The following OXR1 variants were observed in gnomAD, a reference collection of about 807,000 sequenced individuals.
The protein encoded by OXR1 is oxidation resistance protein 1.
OXR1 carries 41 observed loss-of-function variants against 104.6 expected under a neutral mutation model. The observed-to-expected ratio is 0.39, with a 90% confidence interval of 0.31 to 0.51. The LOEUF is 0.51. OXR1 is among the 20% of genes least tolerant of loss of function. OXR1 has a pLI of 0.77. For missense variants in OXR1, 955 were observed against 1,031.9 expected (o/e 0.93, Z 1.02); for synonymous variants, 348 against 348.4 (o/e 1.00, Z 0.01).
chr8:106,321,502 G>A (rs1814216015), intron 1 of OXR1, among the ~76,000 whole-genome samples: 1 of 152,108 alleles, frequency 6.6e-6, no homozygotes, highest in South Asian at 2.1e-4. Context: ...GGTGGAGGAG[G>A]ACACAGATGG....
chr8:106,653,774 A>C (rs2131031531), intron 3 of OXR1, among the ~76,000 whole-genome samples: 1 of 152,152 alleles, frequency 6.6e-6, no homozygotes, highest in Non-Finnish European at 1.5e-5. Flanking sequence ...AGGCACCTGA[A>C]TTGGAAGGGA....
At chr8:106,732,010 A>G (rs987757491) in intron 11 of OXR1, among the ~76,000 whole-genome samples, 1 of 152,176 alleles carries the variant, frequency 6.6e-6, no homozygotes, top group African/African-American at 2.4e-5. Context: ...GCTTGACAAT[A>G]TTGAGTCTTC....
At chr8:106,342,252 CTTTT>C (rs559836356) in intron 1 of OXR1, among the ~76,000 whole-genome samples, 1 of 141,038 alleles carries the variant, frequency 7.1e-6, no homozygotes. Flanking sequence ...TTTCTTTTTT[CTTTT>C]TTTTTTTTTC....
intron 1 of OXR1, among the ~76,000 whole-genome samples, chr8:106,307,562 C>T (rs1388544023): frequency 2.7e-5 from 4 of 147,420 alleles, no homozygotes; most frequent in Middle Eastern, 7.0e-3. Context: ...TTTTTTTGTC[C>T]TTTTTTTTTT....
chr8:106,745,700 C>T, intron 15 of OXR1, 89 bp from the exon 16 acceptor site: 1 of 605,858 alleles, frequency 1.7e-6, no homozygotes, highest in Non-Finnish European at 2.9e-6. Flanking sequence ...CCAGTCTTGG[C>T]TTTGTTAACT....
At chr8:106,482,777 A>G (rs1483606210) in intron 2 of OXR1, among the ~76,000 whole-genome samples, 1 of 152,066 alleles carries the variant, frequency 6.6e-6, no homozygotes, top group Non-Finnish European at 1.5e-5. Context: ...CAAATTAAGT[A>G]TGGACCATCT....
intron 2 of OXR1, among the ~76,000 whole-genome samples, chr8:106,450,965 T>A (rs1245334719): frequency 6.6e-6 from 1 of 152,158 alleles, no homozygotes; most frequent in African/African-American, 2.4e-5. Flanking sequence ...ACTGTGATAT[T>A]CAGTGAAGTT....
chr8:106,538,144 G>A (rs531838550), intron 3 of OXR1, among the ~76,000 whole-genome samples: 1 of 152,278 alleles, frequency 6.6e-6, no homozygotes, highest in South Asian at 2.1e-4. Flanking sequence ...TAGTGGCCAT[G>A]TAGGTATTCT....
At chr8:106,692,898 GAAGACCTTTA>G in intron 7 of OXR1, 21 bp downstream of exon 7, 1 of 1,548,586 alleles carries the variant, frequency 6.5e-7, no homozygotes, top group South Asian at 1.2e-5. Flanking sequence ...ACACTTTAGA[GAAGACCTTTA>G]ATCATGCTTT....
At chr8:106,727,364 G>A (rs1451415436) in intron 11 of OXR1, among the ~76,000 whole-genome samples, 1 of 152,050 alleles carries the variant, frequency 6.6e-6, no homozygotes, top group Non-Finnish European at 1.5e-5. Context: ...TAATTAATGT[G>A]CATCAAACAC....
intron 2 of OXR1, among the ~76,000 whole-genome samples, chr8:106,497,670 A>G (rs896179635): frequency 6.6e-6 from 1 of 152,234 alleles, no homozygotes; most frequent in Admixed American, 6.5e-5. Flanking sequence ...TCTGAAGTGC[A>G]CATTTGTATT....
chr8:106,528,660 A>G, intron 3 of OXR1, among the ~76,000 whole-genome samples: 1 of 152,226 alleles, frequency 6.6e-6, no homozygotes, highest in East Asian at 1.9e-4. Context: ...TACGCCTCTC[A>G]TTTAATAAAA....
chr8:106,719,297 A>G (rs1029004321), intron 11 of OXR1, among the ~76,000 whole-genome samples: 13 of 152,216 alleles, frequency 8.5e-5, no homozygotes, highest in African/African-American at 2.7e-4. Flanking sequence ...CAGAATGCCT[A>G]TTGACATCTG....
At chr8:106,484,657 C>T (rs760376996) in intron 2 of OXR1, among the ~76,000 whole-genome samples, 4 of 151,904 alleles carry the variant, frequency 2.6e-5, no homozygotes, top group Admixed American at 6.6e-5. Context: ...AAGTCCAGAA[C>T]ACTGACACTA....
chr8:106,456,544 C>T (rs1820603964), intron 2 of OXR1, among the ~76,000 whole-genome samples: 1 of 152,072 alleles, frequency 6.6e-6, no homozygotes, highest in Admixed American at 6.6e-5. Flanking sequence ...TATTTAATGC[C>T]ATCAATGTAA....
intron 2 of OXR1, among the ~76,000 whole-genome samples, chr8:106,396,258 T>C (rs1345838173): frequency 6.6e-6 from 1 of 151,978 alleles, no homozygotes; most frequent in Admixed American, 6.6e-5. Context: ...CAAAGAATAG[T>C]GTTTGGAAAG....
intron 3 of OXR1, among the ~76,000 whole-genome samples, chr8:106,565,280 C>G (rs934398647): frequency 6.6e-6 from 1 of 151,996 alleles, no homozygotes; most frequent in Non-Finnish European, 1.5e-5. Context: ...TCAGTGAGGT[C>G]TCGGGATATA....
At chr8:106,676,351 T>TGTTA (rs1827592175) in intron 3 of OXR1, among the ~76,000 whole-genome samples, 1 of 152,162 alleles carries the variant, frequency 6.6e-6, no homozygotes, top group African/African-American at 2.4e-5. Context: ...CCTGTCATGA[T>TGTTA]GTTAGCTGGT....
At chr8:106,570,334 A>G (rs1817385900) in intron 3 of OXR1, among the ~76,000 whole-genome samples, 2 of 152,160 alleles carry the variant, frequency 1.3e-5, no homozygotes, top group Admixed American at 1.3e-4. Context: ...TACTTGCCGT[A>G]TTGCATAGAG....
Sources: gnomAD v4.1 joint callset for allele counts (sites outside exome capture counted in the v4.1 genomes callset) on GRCh38, gnomAD v4.1.1 for gene constraint, MANE v1.5 for transcripts, NCBI Gene and HGNC (gene_info 2026-07-23, HGNC 2026-07-21) for gene names.